Variants in WDR59 observed in about 807,000 individuals in gnomAD.
WDR59 encodes the protein WD repeat domain 59, also known as GATOR2 complex protein WDR59.
WDR59 carries 100 observed loss-of-function variants against 131.2 expected under a neutral mutation model. The ratio of observed to expected loss-of-function variants is 0.76; its 90% confidence interval spans 0.65 to 0.90. The LOEUF is 0.90. Among genes scored for constraint, WDR59 ranks in the 40% least tolerant of loss-of-function variants. WDR59 has a pLI of 0.00. For missense variants in WDR59, 1,203 were observed against 1,262.2 expected (o/e 0.95, Z 0.71); for synonymous variants, 601 against 466.2 (o/e 1.29, Z -3.72).
At chr16:74,955,171 C>G (rs541909047) in intron 3 of WDR59, among the ~76,000 whole-genome samples, 14 of 152,326 alleles carry the variant, frequency 9.2e-5, no homozygotes, top group African/African-American at 3.4e-4. Flanking sequence ...CAGTGTTAAT[C>G]CACTGAGTAC....
intron 18 of WDR59, among the ~76,000 whole-genome samples, chr16:74,897,668 G>T (rs995631133): frequency 6.6e-6 from 1 of 152,120 alleles, no homozygotes; most frequent in African/African-American, 2.4e-5. Flanking sequence ...CCCAACAAAG[G>T]ATCACCCTAA....
At chr16:74,947,665 G>C (rs994048769) in intron 6 of WDR59, among the ~76,000 whole-genome samples, 10 of 152,206 alleles carry the variant, frequency 6.6e-5, no homozygotes, top group African/African-American at 2.2e-4. Context: ...TGATATTAAA[G>C]AGTTACTGTT....
chr16:74,968,828 C>G (rs887930793), intron 1 of WDR59, among the ~76,000 whole-genome samples: 3 of 152,136 alleles, frequency 2.0e-5, no homozygotes, highest in African/African-American at 7.2e-5. Context: ...ACAACACCAC[C>G]TACGTGATTT....
intron 11 of WDR59, among the ~76,000 whole-genome samples, chr16:74,916,538 G>C (rs1422986160): frequency 6.6e-6 from 1 of 152,164 alleles, no homozygotes; most frequent in Non-Finnish European, 1.5e-5. Flanking sequence ...AGCTTTGATG[G>C]AGTTATTCAG....
chr16:74,968,856 G>A (rs1013328732), intron 1 of WDR59, among the ~76,000 whole-genome samples: 1 of 152,056 alleles, frequency 6.6e-6, no homozygotes, highest in Admixed American at 6.6e-5. Context: ...CACTACCCTA[G>A]AAAAAACAGG....
intron 1 of WDR59, among the ~76,000 whole-genome samples, chr16:74,984,284 A>T (rs904258943): frequency 2.0e-5 from 3 of 152,186 alleles, no homozygotes; most frequent in Non-Finnish European, 2.9e-5. Context: ...CTCAAAAAAA[A>T]TAAATTAAAT....
At chr16:74,940,746 T>C (rs1007101463) in intron 7 of WDR59, among the ~76,000 whole-genome samples, 2 of 152,002 alleles carry the variant, frequency 1.3e-5, no homozygotes, top group Non-Finnish European at 2.9e-5. Flanking sequence ...TGCTCTGTCA[T>C]CCAGGCTGGA....
intron 1 of WDR59, among the ~76,000 whole-genome samples, chr16:74,980,946 C>T (rs1298750396): frequency 6.6e-6 from 1 of 151,136 alleles, no homozygotes; most frequent in African/African-American, 2.4e-5. Flanking sequence ...GCCTGGGCAA[C>T]AGAGCGAGAC....
At chr16:74,953,456 G>A (rs1308584412) in intron 3 of WDR59, among the ~76,000 whole-genome samples, 4 of 133,544 alleles carry the variant, frequency 3.0e-5, no homozygotes, top group Non-Finnish European at 4.6e-5. Flanking sequence ...CTGGGCAACA[G>A]AACGAGACTC....
rs141706966 is a variant in WDR59 at position 74,921,678 on chromosome 16, T to C, written c.886+269A>G. Reference sequence around the variant, plus strand: ...CAGAAACAATCCAACAGCAAATCTCTATCTTCCGTCTCTTACTGGAGCATA... The same window carrying C: ...CAGAAACAATCCAACAGCAAATCTCCATCTTCCGTCTCTTACTGGAGCATA... On this transcript the variant is annotated intron_variant, in intron 10 of 25. Transcript: ENST00000262144. Among the ~76,000 whole-genome samples the C allele has an allele frequency of 6.6e-3, 1,001 of 151,934 alleles. 15 individuals are homozygous for C. The highest frequency in any genetic ancestry group is 0.023 in the African/African-American group (957 of 41,254).
chr16:74,901,797 T>C (rs551711704), intron 18 of WDR59, among the ~76,000 whole-genome samples: 2 of 152,218 alleles, frequency 1.3e-5, no homozygotes, highest in East Asian at 3.9e-4. Context: ...TCCTCAAGGA[T>C]TATCGACCTT....
intron 8 of WDR59, among the ~76,000 whole-genome samples, chr16:74,929,503 G>A (rs1458650524): frequency 1.3e-5 from 2 of 152,178 alleles, no homozygotes; most frequent in African/African-American, 4.8e-5. Flanking sequence ...CGATTAAAAT[G>A]GCTGTTATCC....
intron 1 of WDR59, among the ~76,000 whole-genome samples, chr16:74,968,427 A>G (rs2033858344): frequency 6.6e-6 from 1 of 152,152 alleles, no homozygotes; most frequent in African/African-American, 2.4e-5. Flanking sequence ...TTGTTGTAAG[A>G]TGCTAAATAT....
At position 74,956,053 on chromosome 16, in the gene WDR59, T is replaced by C. The variant is rs141742652; in HGVS notation, c.240+422A>G. Among the ~76,000 whole-genome samples, 1,065 of 152,188 alleles carry C rather than the reference T, an allele frequency of 7.0e-3. 16 individuals are homozygous for C. The highest frequency in any genetic ancestry group is 0.025 in the African/African-American group (1,018 of 41,516). On this transcript the variant is annotated intron_variant, in intron 3 of 25. Transcript: ENST00000262144. Reference sequence around the variant, plus strand: ...TCAAGGAAGAATCCCTTCCTTTGAATAGAAGGGTAGGGGGAGTCTTCTGAT... The same window carrying C: ...TCAAGGAAGAATCCCTTCCTTTGAACAGAAGGGTAGGGGGAGTCTTCTGAT...
Position 74,906,923 on chromosome 16 carries a change from A to G in WDR59, c.1712+1985T>C, listed in dbSNP as rs116445862. Among the ~76,000 whole-genome samples the G allele has an allele frequency of 7.7e-3, 1,170 of 152,286 alleles. 19 individuals carry two copies. The highest frequency in any genetic ancestry group is 0.027 in the African/African-American group (1,118 of 41,546). On this transcript the variant is annotated intron_variant, in intron 17 of 25. Transcript: ENST00000262144. ...ATGAGTGTTGGTCACCAAGCCATAC[A>G]CTTCATATTTGTGTATCGTAAACTA... is the stretch of plus-strand genomic sequence containing the variant.
rs371635150 is a variant in WDR59 at position 74,948,633 on chromosome 16, C to G, written c.408-77G>C. Reference sequence around the variant, plus strand: ...CCTGGTATTTTTCACCCTTTGCACACAATTCTTCGCTTTCCTTTCAGTGGG... The same window carrying G: ...CCTGGTATTTTTCACCCTTTGCACAGAATTCTTCGCTTTCCTTTCAGTGGG... On this transcript the variant is annotated intron_variant, in intron 5 of 25. Coordinates refer to ENST00000262144, the MANE Select transcript of WDR59 (RefSeq NM_030581.4). 1.0e-5 allele frequency: 12 copies of G among 1,205,522 alleles called. No individual in the cohort carries two copies. In the African/African-American group the frequency reaches 1.8e-4, roughly 18 times the overall value. The allele number at this position is 1,205,522 out of a possible 1,614,324, so 74.7% of individuals were successfully genotyped here. A position where few individuals can be genotyped will look rare whatever the true frequency, so the allele number is the denominator to read the frequency against.
At chr16:74,951,857 T>C (rs1387856188) in intron 3 of WDR59, among the ~76,000 whole-genome samples, 1 of 152,100 alleles carries the variant, frequency 6.6e-6, no homozygotes, top group African/African-American at 2.4e-5. Context: ...GCCAGGAAAA[T>C]GTCCCGGCCA....
rs147626450 is a variant in WDR59 at position 74,893,370 on chromosome 16, T to G, written c.2000+309A>C. Among the ~76,000 whole-genome samples, 6 of 152,112 alleles carry G rather than the reference T, an allele frequency of 3.9e-5. No homozygotes were observed. The East Asian group carries it at 1.2e-3, about 29-fold the overall frequency. On this transcript the variant is annotated intron_variant, in intron 19 of 25. Coordinates refer to ENST00000262144, the MANE Select transcript of WDR59 (RefSeq NM_030581.4). ...AATTCTGCTGACAACCTGAACAAGC[T>G]TGGAAGAGGAGCTTTGCATCGGATG...
At chr16:74,963,796 C>G (rs548690496) in intron 2 of WDR59, among the ~76,000 whole-genome samples, 1 of 152,096 alleles carries the variant, frequency 6.6e-6, no homozygotes, top group South Asian at 2.1e-4. Context: ...GAGGCCAAGG[C>G]AGAGGCAGAT....
Sources: gnomAD v4.1 joint callset for allele counts (sites outside exome capture counted in the v4.1 genomes callset) on GRCh38, gnomAD v4.1.1 for gene constraint, MANE v1.5 for transcripts, NCBI Gene and HGNC (gene_info 2026-07-23, HGNC 2026-07-21) for gene names.